MANBA: variants seen among roughly 807,000 people sequenced by gnomAD.
The protein encoded by MANBA is beta-mannosidase.
MANBA carries 83 observed loss-of-function variants against 111.1 expected under a neutral mutation model. The ratio of observed to expected loss-of-function variants is 0.75; its 90% confidence interval spans 0.63 to 0.90. The LOEUF (loss-of-function observed/expected upper bound fraction) is 0.90. Ranked by LOEUF, MANBA falls within the 40% of genes least tolerant of loss-of-function variation. MANBA has a pLI of 0.00. For synonymous variants in MANBA, 370 were observed against 378.7 expected, an observed-to-expected ratio of 0.98 and a Z score of 0.27; for missense variants, 1,036 against 1,069.0, an observed-to-expected ratio of 0.97 and a Z score of 0.43.
intron 13 of MANBA, among the ~76,000 whole-genome samples, chr4:102,647,932 C>G (rs1730171380): frequency 6.6e-6 from 1 of 152,062 alleles, no homozygotes; most frequent in Non-Finnish European, 1.5e-5. Flanking sequence ...TTTTTAGATA[C>G]TAAGATAGGA....
At chr4:102,674,412 A>C (rs1452495818) in intron 7 of MANBA, among the ~76,000 whole-genome samples, 7 of 152,240 alleles carry the variant, frequency 4.6e-5, no homozygotes, top group African/African-American at 1.2e-4. Flanking sequence ...AAAAAATAGA[A>C]AAAAATGCTG....
At chr4:102,760,653 TG>T in intron 1 of MANBA, 64 bp downstream of exon 1, 1 of 1,467,220 alleles carries the variant, frequency 6.8e-7, no homozygotes. Flanking sequence ...AGGCGGTTCC[TG>T]GGCCCCTCTC....
chr4:102,744,252 C>G (rs202170664), intron 1 of MANBA, among the ~76,000 whole-genome samples: 42 of 152,290 alleles, frequency 2.8e-4, no homozygotes, highest in East Asian at 2.1e-3. Flanking sequence ...AGGCCCCATA[C>G]CACTGGACCC....
At chr4:102,696,882 A>G (rs543100414) in intron 5 of MANBA, among the ~76,000 whole-genome samples, 5 of 152,300 alleles carry the variant, frequency 3.3e-5, no homozygotes, top group African/African-American at 1.2e-4. Flanking sequence ...CAAACATTAG[A>G]TATTTTCCGG....
intron 10 of MANBA, chr4:102,665,498 G>C (rs1393311300): frequency 1.3e-5 from 2 of 152,262 alleles, no homozygotes; most frequent in Non-Finnish European, 2.9e-5. Context: ...GTCGTGTCCT[G>C]AGAAATCAAC....
intron 7 of MANBA, among the ~76,000 whole-genome samples, chr4:102,674,923 T>G (rs188248619): frequency 1.2e-4 from 18 of 152,354 alleles, no homozygotes; most frequent in Non-Finnish European, 2.4e-4. Flanking sequence ...AATTATTTCA[T>G]GTAATAAAAG....
intron 7 of MANBA, among the ~76,000 whole-genome samples, chr4:102,675,480 G>C (rs932715363): frequency 1.3e-5 from 2 of 152,116 alleles, no homozygotes; most frequent in Non-Finnish European, 2.9e-5. Context: ...AGCTGTCTTT[G>C]ATTATTCCTG....
Position 102,631,733 on chromosome 4 carries a change from C to T in MANBA, c.*324G>A, listed in dbSNP as rs1729383695. The T allele has an allele frequency of 1.8e-6, 1 of 561,218 alleles. No homozygotes were observed. The highest frequency in any genetic ancestry group is 1.9e-5 in the African/African-American group (1 of 53,464). The allele number at this position is 561,218 out of a possible 1,614,324, so 34.8% of individuals were successfully genotyped here. ...TTTGGTTCCATAGATCCTGCCATGT[C>T]ACATTCTTGTAACCAGCTGCAGGGC... On this transcript the variant is annotated 3_prime_UTR_variant, in exon 17 of 17. Transcript: ENST00000647097.
chr4:102,660,775 A>G (rs927467486), intron 11 of MANBA, among the ~76,000 whole-genome samples: 1 of 148,466 alleles, frequency 6.7e-6, no homozygotes, highest in Non-Finnish European at 1.5e-5. Context: ...ATATTAATAT[A>G]TAATAATATT....
At chr4:102,686,324 C>A (rs979945360) in intron 7 of MANBA, among the ~76,000 whole-genome samples, 5 of 152,166 alleles carry the variant, frequency 3.3e-5, no homozygotes, top group South Asian at 2.1e-4. Context: ...AGCTTTCCCC[C>A]CTTCTATGTT....
intron 8 of MANBA, chr4:102,672,178 G>A (rs1731526624): frequency 2.5e-6 from 1 of 398,322 alleles, no homozygotes; most frequent in Non-Finnish European, 4.4e-6. Context: ...AAAGTAAAAG[G>A]AAATTACTAC....
In MANBA at chr4:102,692,881, G is replaced by A. The variant is rs116349353; in HGVS notation, c.674-2110C>T. On this transcript the variant is annotated intron_variant, in intron 5 of 16. Transcript: ENST00000647097. Reference sequence around the variant, plus strand: ...CTGCAAAAGAAAAAAAAAAAAGCTAGGTTTCTATGCTGATCAATGACAAAA... The same window carrying A: ...CTGCAAAAGAAAAAAAAAAAAGCTAAGTTTCTATGCTGATCAATGACAAAA... 9.2e-3 allele frequency among the ~76,000 whole-genome samples: 1,395 copies of A among 151,946 alleles called. 21 individuals carry two copies. Among genetic ancestry groups the A allele is most frequent in the African/African-American group, 0.032 (1,320 of 41,476 alleles).
At chr4:102,668,537 GA>G (rs1731331872) in intron 10 of MANBA, 1 of 193,668 alleles carries the variant, frequency 5.2e-6, no homozygotes, top group African/African-American at 2.4e-5. Flanking sequence ...ATAAATCAAG[GA>G]ATCAATAATC....
At chr4:102,708,462 T>A (rs1733403033) in intron 5 of MANBA, among the ~76,000 whole-genome samples, 1 of 151,888 alleles carries the variant, frequency 6.6e-6, no homozygotes, top group Admixed American at 6.6e-5. Flanking sequence ...AGATAAAAAT[T>A]GAAGCACAAC....
Position 102,726,608 on chromosome 4 carries a change from T to G in MANBA, c.253A>C (p.Lys85Gln), listed in dbSNP as rs777104167. 7 of 1,537,630 alleles carry G rather than the reference T, an allele frequency of 4.6e-6. No individual in the cohort carries two copies. The highest frequency in any genetic ancestry group is 6.3e-6 in the Non-Finnish European group (7 of 1,111,942). Residue 85 changes from lysine (K) to glutamine (Q), a missense_variant, in exon 2 of 17, where the codon AAA becomes CAA. Coordinates refer to ENST00000647097, the MANE Select transcript of MANBA (RefSeq NM_005908.4). ...ACATACCTAATTTCAAAGGGGATTTTAAATTCTTTGCTATAGGTCCAGTTA... is the reference window on the plus strand; with the variant it reads ...ACATACCTAATTTCAAAGGGGATTTGAAATTCTTTGCTATAGGTCCAGTTA... Reference protein sequence around the residue: ...LDNWTYSKEFKIPFEISKWQK... With the variant: ...LDNWTYSKEFQIPFEISKWQK...
chr4:102,699,361 C>T (rs964400846), intron 5 of MANBA, among the ~76,000 whole-genome samples: 9 of 151,898 alleles, frequency 5.9e-5, no homozygotes, highest in African/African-American at 1.9e-4. Flanking sequence ...CCTTCTCCTG[C>T]CTAATTGCCC....
chr4:102,749,213 T>C (rs1021705073), intron 1 of MANBA, among the ~76,000 whole-genome samples: 2 of 152,108 alleles, frequency 1.3e-5, no homozygotes, highest in Non-Finnish European at 1.5e-5. Context: ...GTTGGGAGAA[T>C]TGAGAGAAGA....
In MANBA at chr4:102,631,564, T is replaced by C. The variant is rs1208266434; in HGVS notation, c.*493A>G. Reference sequence around the variant, plus strand: ...GTACAGAAAAATACCCATATACCTTTACCCAAATAGCTACCACCAAGAAAT... The same window carrying C: ...GTACAGAAAAATACCCATATACCTTCACCCAAATAGCTACCACCAAGAAAT... On this transcript the variant is annotated 3_prime_UTR_variant, in exon 17 of 17. Coordinates refer to ENST00000647097, the MANE Select transcript of MANBA (RefSeq NM_005908.4). The C allele has an allele frequency of 2.4e-6, 1 of 409,350 alleles. No individual in the cohort carries two copies. Among genetic ancestry groups the C allele is most frequent in the Non-Finnish European group, 4.3e-6 (1 of 232,702 alleles). The allele number at this position is 409,350 out of a possible 1,614,324, so 25.4% of individuals were successfully genotyped here.
At chr4:102,714,586 G>A (rs764620907) in intron 4 of MANBA, 25 bp from the exon 5 acceptor site, 10 of 1,595,700 alleles carry the variant, frequency 6.3e-6, no homozygotes, top group East Asian at 4.5e-5. Context: ...AGAAAAAGAA[G>A]ATATATTCTG....
Sources: allele counts gnomAD v4.1 joint callset (sites outside exome capture counted in the v4.1 genomes callset), GRCh38; gene constraint gnomAD v4.1.1; transcripts MANE v1.5; gene names NCBI Gene and HGNC (gene_info 2026-07-23, HGNC 2026-07-21).